The following KIF1A variants were observed in gnomAD, a reference collection of about 807,000 sequenced individuals.
KIF1A encodes the protein kinesin family member 1A, also known as kinesin-like protein KIF1A.
KIF1A carries 46 observed loss-of-function variants against 227.3 expected under a neutral mutation model. The ratio of observed to expected loss-of-function variants is 0.20; its 90% confidence interval spans 0.16 to 0.26. The LOEUF (loss-of-function observed/expected upper bound fraction) is 0.26, where lower values mean the gene tolerates loss of function less well. KIF1A is among the 10% of genes least tolerant of loss of function. The pLI, the probability that KIF1A is intolerant of heterozygous loss-of-function variation, is 1.00. For synonymous variants in KIF1A, 1,022 were observed against 1,012.8 expected (o/e 1.01, Z -0.17); for missense variants, 1,683 against 2,485.9 (o/e 0.68, Z 6.87).
intron 10 of KIF1A, among the ~76,000 whole-genome samples, chr2:240,777,158 C>T (rs1403694731): frequency 1.3e-5 from 2 of 152,212 alleles, no homozygotes; most frequent in Admixed American, 6.5e-5. Context: ...ATTCTCATGC[C>T]TCAGCCTCCT....
In KIF1A at chr2:240,789,187, G is replaced by A. The variant is rs201369462; in HGVS notation, c.183+49C>T. The A allele has an allele frequency of 1.1e-4, 160 of 1,457,116 alleles. 1 individual carries two copies. The African/African-American group carries it at 2.1e-3, about 19-fold the overall frequency. The allele number at this position is 1,457,116 out of a possible 1,614,324, so 90.3% of individuals were successfully genotyped here. ...GTTGAGGGACCCCGAGGGCCACATG[G>A]CCTATGCACTGCTGCCCCCGCCTCC... On this transcript the variant is annotated intron_variant, in intron 3 of 48. Transcript: ENST00000498729. The surrounding 1 kb of genome is among the most constrained non-coding windows in gnomAD (Gnocchi z 4.8).
chr2:240,815,710 G>A (rs1451294521), intron 1 of KIF1A, among the ~76,000 whole-genome samples: 1 of 152,184 alleles, frequency 6.6e-6, no homozygotes, highest in Admixed American at 6.5e-5. Context: ...GGGGTAATGG[G>A]GGTGGAGGAG....
In KIF1A at chr2:240,786,483, C is replaced by G. The variant is rs757821128; in HGVS notation, c.460G>C (p.Val154Leu). 6.2e-7 allele frequency: 1 copy of G among 1,613,486 alleles called. No homozygotes were observed. Among genetic ancestry groups the G allele is most frequent in the Non-Finnish European group, 8.5e-7 (1 of 1,179,740 alleles). ...TTCTTGGGGTTCAGGAGGTCACGGACGCGCTCACAGTAAATCTCCATGTAG... is the reference window on the plus strand; with the variant it reads ...TTCTTGGGGTTCAGGAGGTCACGGAGGCGCTCACAGTAAATCTCCATGTAG... Reference protein sequence around the residue: ...VSYMEIYCERVRDLLNPKNKG... With the variant: ...VSYMEIYCERLRDLLNPKNKG... The change falls in exon 6 of 49, where the codon GTC becomes CTC. Residue 154 changes from valine (V) to leucine (L), a missense_variant. Val to Leu is a conservative substitution (Grantham distance 32, BLOSUM62 1). Around this residue, in one of 12 missense-constraint regions of KIF1A, gnomAD observed 75 missense variants for 131.2 expected, o/e 0.57. Transcript: ENST00000498729.
chr2:240,720,764 T>C (rs2045255167), intron 45 of KIF1A, 150 bp downstream of exon 45: 3 of 918,788 alleles, frequency 3.3e-6, no homozygotes, highest in Non-Finnish European at 4.7e-6. Context: ...CGGACTCCAC[T>C]CCTCCAGGCC....
At chr2:240,764,653 G>A (rs371817029) in intron 20 of KIF1A, among the ~76,000 whole-genome samples, 3 of 152,112 alleles carry the variant, frequency 2.0e-5, no homozygotes, top group East Asian at 3.9e-4. Flanking sequence ...CAAGCCAATG[G>A]TCACTTTTAT....
rs1237815249 is a variant in KIF1A, at chr2:240,790,633, G to A, written c.107-1321C>T. Among the ~76,000 whole-genome samples, 1 of 152,082 alleles carries A rather than the reference G, an allele frequency of 6.6e-6. No individual in the cohort carries two copies. The highest frequency in any genetic ancestry group is 1.5e-5 in the Non-Finnish European group (1 of 68,022). The stretch of plus-strand genomic sequence containing the variant: ...ATTTGGAGATAAAGTTGCTGCAGAT[G>A]TAATTAGTTAAGATGAGGTCCTACT... On this transcript the variant is annotated intron_variant, in intron 2 of 48. Coordinates refer to ENST00000498729, the MANE Select transcript of KIF1A (RefSeq NM_001244008.2). This position sits in a 1 kb window ranked among gnomAD's most constrained non-coding sequence, Gnocchi z 5.0.
At chr2:240,802,590 G>A (rs150806838) in intron 1 of KIF1A, among the ~76,000 whole-genome samples, 153 of 152,304 alleles carry the variant, frequency 1.0e-3, no homozygotes, top group Non-Finnish European at 1.9e-3. Flanking sequence ...ATTTGTGCTT[G>A]TTCTATCAGC....
chr2:240,760,850 CAG>C lies in KIF1A; in HGVS notation c.2266-9_2266-8del, dbSNP rs1407951439. The stretch of plus-strand genomic sequence containing the variant: ...GGACAAACTGGAATTGTACCTGTGA[CAG>C]GGGAAGATGACCACTCGTCAGCTCC... On this transcript the variant is annotated splice_polypyrimidine_tract_variant and splice_region_variant and intron_variant, in intron 24 of 48. Coordinates refer to ENST00000498729, the MANE Select transcript of KIF1A (RefSeq NM_001244008.2). 1 of 1,604,586 alleles carries C rather than the reference CAG, an allele frequency of 6.2e-7. No individual in the cohort carries two copies. Among genetic ancestry groups the C allele is most frequent in the Non-Finnish European group, 8.5e-7 (1 of 1,176,638 alleles).
chr2:240,767,884 G>A (rs1312957836), intron 17 of KIF1A, among the ~76,000 whole-genome samples: 5 of 152,248 alleles, frequency 3.3e-5, no homozygotes, highest in East Asian at 3.9e-4. Context: ...TGGAGTCTGG[G>A]GAGTGAAGCA....
chr2:240,762,858 G>A, intron 22 of KIF1A, 46 bp from the exon 23 acceptor site: 1 of 1,525,226 alleles, frequency 6.6e-7, no homozygotes, highest in Non-Finnish European at 8.9e-7. Context: ...CTACCTGCCT[G>A]GGCCTCTCAC....
chr2:240,722,029 CA>C, intron 43 of KIF1A, 145 bp from the exon 44 acceptor site: 1 of 661,642 alleles, frequency 1.5e-6, no homozygotes, highest in Non-Finnish European at 2.7e-6. Flanking sequence ...GCAGCACCTC[CA>C]CCCCGCCCAG....
chr2:240,808,581 A>T (rs1161723564), intron 1 of KIF1A, among the ~76,000 whole-genome samples: 3 of 151,690 alleles, frequency 2.0e-5, no homozygotes, highest in African/African-American at 7.3e-5. Flanking sequence ...CTGAGGTAGG[A>T]GGATCACTTG....
chr2:240,812,015 G>A (rs2126233433), intron 1 of KIF1A, among the ~76,000 whole-genome samples: 1 of 152,250 alleles, frequency 6.6e-6, no homozygotes, highest in South Asian at 2.1e-4. Context: ...GGGAGACCAT[G>A]AGCCCTGAGC....
At chr2:240,723,691 A>C (rs2045667049) in intron 41 of KIF1A, 133 bp from the exon 42 acceptor site, 1 of 1,112,750 alleles carries the variant, frequency 9.0e-7, no homozygotes, top group Non-Finnish European at 1.3e-6. Flanking sequence ...TCCTTGGTCC[A>C]CCCTGGGGCC....
At chr2:240,784,376 C>G (rs1166835680) in intron 7 of KIF1A, among the ~76,000 whole-genome samples, 1 of 152,162 alleles carries the variant, frequency 6.6e-6, no homozygotes, top group Admixed American at 6.5e-5. Context: ...ACAGGACCCT[C>G]TCGGTGCCCA....
chr2:240,725,592 G>A lies in KIF1A; in HGVS notation c.4123-188C>T, dbSNP rs1575525841. 3.2e-6 allele frequency: 2 copies of A among 616,590 alleles called. No individual in the cohort carries two copies. The highest frequency in any genetic ancestry group is 4.5e-4 in the Middle Eastern group (1 of 2,238). 38.2% of individuals were successfully genotyped at this position (616,590 alleles called of 1,614,324 possible). ...TCCTGCCCTCGAGAAAACCCCACTGGGGACAGGTAGCCACAGCTCTGTCCA... is the reference window on the plus strand; with the variant it reads ...TCCTGCCCTCGAGAAAACCCCACTGAGGACAGGTAGCCACAGCTCTGTCCA... On this transcript the variant is annotated intron_variant, in intron 39 of 48. Transcript: ENST00000498729. The surrounding 1 kb of genome is among the most constrained non-coding windows in gnomAD (Gnocchi z 5.8).
chr2:240,800,131 C>T (rs1028319834), intron 1 of KIF1A, among the ~76,000 whole-genome samples: 5 of 151,866 alleles, frequency 3.3e-5, no homozygotes, highest in Non-Finnish European at 5.9e-5. Flanking sequence ...CACACACACA[C>T]ACACACACAC....
chr2:240,809,297 A>T (rs769948808), intron 1 of KIF1A, among the ~76,000 whole-genome samples: 4 of 152,246 alleles, frequency 2.6e-5, no homozygotes, highest in South Asian at 2.1e-4. Context: ...AAGAAGAAAA[A>T]AAAGACCAGA....
chr2:240,728,745 G>A (rs1036976901), intron 38 of KIF1A, among the ~76,000 whole-genome samples: 8 of 152,200 alleles, frequency 5.3e-5, no homozygotes, highest in African/African-American at 9.7e-5. Flanking sequence ...TCCTGTGGAG[G>A]GTCAGGCCTG....
Sources: allele counts gnomAD v4.1 joint callset (sites outside exome capture counted in the v4.1 genomes callset), GRCh38; gene constraint gnomAD v4.1.1; regional missense constraint gnomAD v4.1.1; non-coding constraint Gnocchi (gnomAD v3.1); transcripts MANE v1.5; gene names NCBI Gene and HGNC (gene_info 2026-07-23, HGNC 2026-07-21).